NHLRC2: variants seen among roughly 807,000 people sequenced by gnomAD.
The protein encoded by NHLRC2 is NHL repeat-containing protein 2.
Under a neutral mutation model 68.1 loss-of-function variants are expected in NHLRC2, and 33 were observed. The ratio of observed to expected loss-of-function variants is 0.48; its 90% CI spans 0.37 to 0.65. NHLRC2 has a LOEUF of 0.65. NHLRC2 is among the 30% of genes least tolerant of loss of function. The pLI, the probability that NHLRC2 is intolerant of heterozygous loss-of-function variation, is 0.00. For synonymous variants in NHLRC2, 311 were observed against 309.6 expected, an observed-to-expected ratio of 1.00 and a Z score of -0.05; for missense variants, 761 against 853.8, an observed-to-expected ratio of 0.89 and a Z score of 1.35.
chr10:113,903,736 GGTAA>G lies in NHLRC2; in HGVS notation c.1704+5_1704+8del. ...ATTTAGAAACTAAAATGGTATCTGT[GGTAA>G]GTAATTTTAAAATATAAGTTAAAGA... On this transcript the variant is annotated splice_donor_variant and splice_donor_region_variant and intron_variant, in intron 9 of 10. Coordinates refer to ENST00000369301, the MANE Select transcript of NHLRC2 (RefSeq NM_198514.4). LOFTEE classifies it high-confidence loss of function. 6.8e-7 allele frequency: 1 copy of G among 1,465,164 alleles called. No homozygotes were observed. The highest frequency in any genetic ancestry group is 9.6e-7 in the Non-Finnish European group (1 of 1,046,604). The allele number at this position is 1,465,164 out of a possible 1,614,324, so 90.8% of individuals were successfully genotyped here.
At chr10:113,860,269 A>G (rs1437454062) in intron 2 of NHLRC2, among the ~76,000 whole-genome samples, 2 of 152,160 alleles carry the variant, frequency 1.3e-5, no homozygotes, top group Non-Finnish European at 2.9e-5. Flanking sequence ...TCACCCCTGA[A>G]AGACTATTTG....
At chr10:113,894,382 G>A (rs1411164504) in intron 5 of NHLRC2, among the ~76,000 whole-genome samples, 1 of 152,084 alleles carries the variant, frequency 6.6e-6, no homozygotes, top group East Asian at 1.9e-4. Context: ...GTTTTTGAAT[G>A]TCGTTATAAA....
At chr10:113,855,419 C>T (rs1845738735) in intron 1 of NHLRC2, among the ~76,000 whole-genome samples, 1 of 152,206 alleles carries the variant, frequency 6.6e-6, no homozygotes. Flanking sequence ...CATCTTTCTG[C>T]ATCATCTTGA....
chr10:113,869,952 T>C (rs1450086221), intron 2 of NHLRC2, among the ~76,000 whole-genome samples: 2 of 152,138 alleles, frequency 1.3e-5, no homozygotes, highest in African/African-American at 4.8e-5. Flanking sequence ...AATATTTCCA[T>C]ATGTATCTTG....
intron 3 of NHLRC2, among the ~76,000 whole-genome samples, chr10:113,877,178 A>AC (rs946940298): frequency 7.8e-4 from 119 of 152,202 alleles, no homozygotes; most frequent in Non-Finnish European, 5.0e-4. Context: ...AAACAAACAA[A>AC]AACACTGAAA....
chr10:113,866,474 A>G (rs2134694572), intron 2 of NHLRC2, among the ~76,000 whole-genome samples: 1 of 152,272 alleles, frequency 6.6e-6, no homozygotes, highest in East Asian at 1.9e-4. Flanking sequence ...TTTATAAGAA[A>G]ACTTCTATTA....
intron 2 of NHLRC2, among the ~76,000 whole-genome samples, chr10:113,863,968 A>C (rs1845839849): frequency 6.6e-6 from 1 of 152,340 alleles, no homozygotes; most frequent in African/African-American, 2.4e-5. Context: ...TCAATAGCCA[A>C]GATTTAGAAA....
Position 113,904,895 on chromosome 10 carries a change from C to T in NHLRC2, c.1783C>T (p.Pro595Ser), listed in dbSNP as rs1395112193. 2.5e-6 allele frequency: 4 copies of T among 1,611,948 alleles called. No individual in the cohort carries two copies. Among genetic ancestry groups the T allele is most frequent in the Admixed American group, 1.7e-5 (1 of 59,638 alleles). ...VEKQKTLPKL[P>S]KSAPSIRLSP... ...AAAACAGAAGACATTACCCAAACTACCTAAATCTGCTCCAAGCATTAGGCT... is the reference window on the plus strand; with the variant it reads ...AAAACAGAAGACATTACCCAAACTATCTAAATCTGCTCCAAGCATTAGGCT... The change falls in exon 10 of 11, where the codon CCT (proline) becomes TCT (serine). Residue 595 changes from proline to serine, a missense_variant. Pro to Ser is a moderately conservative substitution (Grantham distance 74, BLOSUM62 -1). Coordinates refer to ENST00000369301, the MANE Select transcript of NHLRC2 (RefSeq NM_198514.4).
At chr10:113,880,882 C>T (rs1846031084) in intron 4 of NHLRC2, among the ~76,000 whole-genome samples, 1 of 151,824 alleles carries the variant, frequency 6.6e-6, no homozygotes, top group Admixed American at 6.6e-5. Context: ...TGGGTTAATA[C>T]ATTAAAGCAG....
chr10:113,875,244 C>G (rs1239102187), intron 2 of NHLRC2, among the ~76,000 whole-genome samples: 2 of 152,112 alleles, frequency 1.3e-5, no homozygotes, highest in Non-Finnish European at 2.9e-5. Context: ...TAACTTCTGT[C>G]TCATCTTCCA....
At chr10:113,900,501 C>T (rs73347512) in intron 6 of NHLRC2, among the ~76,000 whole-genome samples, 4,786 of 152,202 alleles carry the variant, frequency 0.031, 266 homozygotes, top group African/African-American at 0.11. Context: ...GCACTAGGAC[C>T]ACACTGACCT....
chr10:113,903,422 A>G (rs1426826307), intron 8 of NHLRC2, 105 bp from the exon 9 acceptor site: 3 of 720,240 alleles, frequency 4.2e-6, no homozygotes, highest in Non-Finnish European at 7.4e-6. Flanking sequence ...CTTATTGAGA[A>G]TATTAATGGC....
chr10:113,907,387 A>G (rs1846286214), intron 10 of NHLRC2, among the ~76,000 whole-genome samples: 1 of 152,192 alleles, frequency 6.6e-6, no homozygotes, highest in Non-Finnish European at 1.5e-5. Flanking sequence ...TGTACAGATG[A>G]GTCATTAGAA....
At position 113,901,767 on chromosome 10, in the gene NHLRC2, G is replaced by A; in HGVS notation, c.1241G>A (p.Gly414Asp). Reference protein sequence around the residue: ...PHKAGFAQPSGLSLASEDPWS... With the variant: ...PHKAGFAQPSDLSLASEDPWS... ...AAGGCAGGTTTTGCCCAACCTTCAGGCCTTTCCTTGGCCTCTGAAGATCCC... is the reference window on the plus strand; with the variant it reads ...AAGGCAGGTTTTGCCCAACCTTCAGACCTTTCCTTGGCCTCTGAAGATCCC... The change falls in exon 7 of 11, where the codon GGC (glycine) becomes GAC (aspartate). Residue 414 changes from glycine (G) to aspartate (D), a missense_variant. By Grantham distance (94) the Gly-to-Asp change is moderately conservative (BLOSUM62 -1). Transcript: ENST00000369301. 6.2e-7 allele frequency: 1 copy of A among 1,614,082 alleles called. No homozygotes were observed. Among genetic ancestry groups the A allele is most frequent in the Non-Finnish European group, 8.5e-7 (1 of 1,179,948 alleles).
intron 2 of NHLRC2, among the ~76,000 whole-genome samples, chr10:113,865,474 T>TTG (rs1845858036): frequency 6.6e-6 from 1 of 152,018 alleles, no homozygotes; most frequent in African/African-American, 2.4e-5. Flanking sequence ...TTTCTTTAAT[T>TTG]TGCCACAGGT....
chr10:113,903,620 A>G lies in NHLRC2; in HGVS notation c.1588A>G (p.Thr530Ala). 6.2e-7 allele frequency: 1 copy of G among 1,608,848 alleles called. No homozygotes were observed. Among genetic ancestry groups the G allele is most frequent in the Non-Finnish European group, 8.5e-7 (1 of 1,175,308 alleles). The change falls in exon 9 of 11, where the codon ACT becomes GCT. Residue 530 changes from threonine (T) to alanine (A), a missense_variant. Transcript: ENST00000369301. ...TACCAGTTCCAGTTTTACAGAGTCA[A>G]CTTTTAATGAACCAGGAGGCTTGTG... ...NVTSSSFTES[T>A]FNEPGGLCIG... is the part of the protein sequence containing the mutation.
chr10:113,876,126 T>G (rs1178508606), intron 2 of NHLRC2, among the ~76,000 whole-genome samples: 1 of 150,478 alleles, frequency 6.6e-6, no homozygotes, highest in Non-Finnish European at 1.5e-5. Flanking sequence ...AAAAAGACAG[T>G]GATACAACAA....
In NHLRC2 at chr10:113,879,755, T is replaced by C. The variant is rs1846020352; in HGVS notation, c.909+60T>C. 2.9e-5 allele frequency: 32 copies of C among 1,103,084 alleles called. No homozygotes were observed. The South Asian group carries it at 4.6e-4, about 16-fold the overall frequency. The allele number at this position is 1,103,084 out of a possible 1,614,324, so 68.3% of individuals were successfully genotyped here. A position where few individuals can be genotyped will look rare whatever the true frequency, so the allele number is the denominator to read the frequency against. On this transcript the variant is annotated intron_variant, in intron 4 of 10. Transcript: ENST00000369301. ...AATCAGAAAAAGGAAATGTATTTGC[T>C]ACATTAAATATTTGAAGTTAAAGCG...
At chr10:113,890,279 A>G (rs1370891762) in intron 5 of NHLRC2, among the ~76,000 whole-genome samples, 1 of 152,172 alleles carries the variant, frequency 6.6e-6, no homozygotes, top group Non-Finnish European at 1.5e-5. Context: ...TTTATTGCGT[A>G]TGTGAATCTG....
Sources: allele counts gnomAD v4.1 joint callset (sites outside exome capture counted in the v4.1 genomes callset), GRCh38; gene constraint gnomAD v4.1.1; transcripts MANE v1.5; gene names NCBI Gene and HGNC (gene_info 2026-07-23, HGNC 2026-07-21).